The following TLN2 variants were observed in gnomAD, a reference collection of about 807,000 sequenced individuals.
TLN2 encodes the protein talin-2.
A neutral mutation model predicts 294.7 loss-of-function variants in TLN2; 118 were observed. The ratio of observed to expected loss-of-function variants is 0.40; its 90% CI spans 0.34 to 0.47. TLN2 has a LOEUF of 0.47. Ranked by LOEUF, TLN2 falls within the 20% of genes least tolerant of loss-of-function variation. The pLI is 0.84. For synonymous variants in TLN2, 1,431 were observed against 1,304.5 expected (o/e 1.10, Z -2.09); for missense variants, 3,083 against 3,282.2 (o/e 0.94, Z 1.48).
At chr15:62,587,065 T>C (rs2045668511) in intron 1 of TLN2, among the ~76,000 whole-genome samples, 1 of 152,182 alleles carries the variant, frequency 6.6e-6, no homozygotes, top group African/African-American at 2.4e-5. Flanking sequence ...GGGAGACTTA[T>C]AAGAAGGTTA....
intron 3 of TLN2, chr15:62,638,522 T>G: frequency 2.2e-6 from 1 of 456,078 alleles, no homozygotes; most frequent in South Asian, 1.5e-5. Flanking sequence ...GCATACCCTC[T>G]CTGTTCACTG....
chr15:62,821,826 A>G (rs1308595512), intron 54 of TLN2, among the ~76,000 whole-genome samples: 2 of 152,212 alleles, frequency 1.3e-5, no homozygotes, highest in African/African-American at 4.8e-5. Flanking sequence ...TTTTCTGGTT[A>G]CGCCTTTGTT....
intron 1 of TLN2, among the ~76,000 whole-genome samples, chr15:62,553,597 C>T (rs1175448337): frequency 6.6e-6 from 1 of 152,174 alleles, no homozygotes; most frequent in African/African-American, 2.4e-5. Context: ...CTTTTTCCCA[C>T]CTTTTCCTCA....
chr15:62,675,472 G>C (rs118170386), intron 11 of TLN2, 151 bp downstream of exon 11: 1 of 724,316 alleles, frequency 1.4e-6, no homozygotes, highest in Non-Finnish European at 2.3e-6. Flanking sequence ...TTTAGCTGCC[G>C]CACAGGCATG....
intron 34 of TLN2, among the ~76,000 whole-genome samples, chr15:62,750,763 A>G (rs762714037): frequency 9.9e-5 from 15 of 152,152 alleles, no homozygotes; most frequent in South Asian, 4.1e-4. Flanking sequence ...ATTTCTGACT[A>G]TCTCCCAGGT....
chr15:62,792,458 GTC>G (rs1446545849), intron 45 of TLN2, among the ~76,000 whole-genome samples, 181 bp from the exon 46 acceptor site: 1 of 152,216 alleles, frequency 6.6e-6, no homozygotes, highest in African/African-American at 2.4e-5. Flanking sequence ...GCATTTTACA[GTC>G]TCTCAAAAGG....
intron 3 of TLN2, among the ~76,000 whole-genome samples, chr15:62,621,179 G>C (rs897848615): frequency 6.6e-6 from 1 of 152,120 alleles, no homozygotes; most frequent in Non-Finnish European, 1.5e-5. Flanking sequence ...CTTAAGGAAT[G>C]AACTGTGTCT....
chr15:62,696,743 A>G (rs1438431128), intron 14 of TLN2, among the ~76,000 whole-genome samples: 1 of 152,182 alleles, frequency 6.6e-6, no homozygotes, highest in Non-Finnish European at 1.5e-5. Flanking sequence ...AATTTTTTCC[A>G]TTAGATACCT....
At chr15:62,392,489 C>T (rs984452769) in intron 1 of TLN2, among the ~76,000 whole-genome samples, 9 of 152,156 alleles carry the variant, frequency 5.9e-5, no homozygotes, top group Non-Finnish European at 1.2e-4. Context: ...CGCTGACCTC[C>T]CTTCTCCAGA....
intron 2 of TLN2, among the ~76,000 whole-genome samples, chr15:62,612,945 G>A (rs544433249): frequency 3.9e-5 from 6 of 152,236 alleles, no homozygotes; most frequent in South Asian, 2.1e-4. Context: ...GCCAGAGATA[G>A]TTCACAGGAT....
intron 11 of TLN2, among the ~76,000 whole-genome samples, chr15:62,681,032 T>C (rs2056784831): frequency 6.6e-6 from 1 of 152,242 alleles, no homozygotes; most frequent in Non-Finnish European, 1.5e-5. Context: ...ATTGTGCTGC[T>C]ATAAAGGTAC....
At chr15:62,545,668 G>T (rs944534788) in intron 1 of TLN2, among the ~76,000 whole-genome samples, 2 of 152,144 alleles carry the variant, frequency 1.3e-5, no homozygotes, top group Non-Finnish European at 2.9e-5. Flanking sequence ...GTGAACAATT[G>T]TTCCCTGTTC....
chr15:62,609,302 T>C (rs1178873526), intron 2 of TLN2, among the ~76,000 whole-genome samples: 1 of 152,198 alleles, frequency 6.6e-6, no homozygotes, highest in Non-Finnish European at 1.5e-5. Flanking sequence ...AACAGGTATT[T>C]CCTACAAAAG....
chr15:62,458,341 T>C (rs1305442279), intron 1 of TLN2, among the ~76,000 whole-genome samples: 1 of 152,148 alleles, frequency 6.6e-6, no homozygotes, highest in Non-Finnish European at 1.5e-5. Flanking sequence ...TTAGAAATAG[T>C]ACATTTGGAA....
At chr15:62,562,573 G>A (rs1048106610) in intron 1 of TLN2, among the ~76,000 whole-genome samples, 1 of 149,740 alleles carries the variant, frequency 6.7e-6, no homozygotes, top group African/African-American at 2.5e-5. Context: ...AGGTTTTTGG[G>A]GAACAGGTGG....
intron 1 of TLN2, among the ~76,000 whole-genome samples, chr15:62,488,160 G>A (rs566882610): frequency 7.9e-5 from 12 of 152,084 alleles, no homozygotes; most frequent in Admixed American, 2.0e-4. Context: ...AGAGAAAATG[G>A]TACTTTGTAA....
chr15:62,640,110 A>G, intron 3 of TLN2: 2 of 452,964 alleles, frequency 4.4e-6, no homozygotes, highest in Non-Finnish European at 8.9e-6. Flanking sequence ...TGGCTTTGGC[A>G]TTTGCAGCAC....
At chr15:62,750,235 A>G (rs1239063717) in intron 33 of TLN2, among the ~76,000 whole-genome samples, 167 bp from the exon 34 acceptor site, 1 of 152,258 alleles carries the variant, frequency 6.6e-6, no homozygotes, top group African/African-American at 2.4e-5. Flanking sequence ...TGCTAACAGG[A>G]AATCTGAAGT....
intron 1 of TLN2, among the ~76,000 whole-genome samples, chr15:62,541,136 C>T (rs889343416): frequency 2.6e-5 from 4 of 151,974 alleles, no homozygotes; most frequent in African/African-American, 7.3e-5. Context: ...AGAGTCACCC[C>T]GAGTAGATGA....
Sources: allele counts gnomAD v4.1 joint callset (sites outside exome capture counted in the v4.1 genomes callset), GRCh38; gene constraint gnomAD v4.1.1; transcripts MANE v1.5; gene names NCBI Gene and HGNC (gene_info 2026-07-23, HGNC 2026-07-21).